RNF175: variants seen among roughly 807,000 people sequenced by gnomAD.
RNF175 encodes ring finger protein 175.
A neutral mutation model predicts 50.0 loss-of-function variants in RNF175; 38 were observed. That is an observed-to-expected ratio of 0.76 (90% CI 0.59 to 1.00). The LOEUF (loss-of-function observed/expected upper bound fraction) is 1.00, where lower values mean the gene tolerates loss of function less well. Ranked by LOEUF, RNF175 falls within the 50% of genes least tolerant of loss-of-function variation. The probability of loss-of-function intolerance (pLI) is 0.00; values close to 1 mark genes in which losing one functional copy is unlikely to be tolerated. For missense variants in RNF175, 388 were observed against 409.6 expected (o/e 0.95, Z 0.46); for synonymous variants, 155 against 146.1 (o/e 1.06, Z -0.44).
At chr4:153,759,283 C>T (rs1436854233) in intron 1 of RNF175, among the ~76,000 whole-genome samples, 1 of 152,218 alleles carries the variant, frequency 6.6e-6, no homozygotes. Context: ...AAACCCTGGG[C>T]ACAGACCAGC....
At chr4:153,748,579 C>T in intron 3 of RNF175, 66 bp downstream of exon 3, 1 of 1,424,968 alleles carries the variant, frequency 7.0e-7, no homozygotes, top group Non-Finnish European at 9.4e-7. Context: ...AGAACATGTC[C>T]TGGAAAAAAA....
At chr4:153,722,795 G>C (rs1435987786) in intron 5 of RNF175, among the ~76,000 whole-genome samples, 1 of 151,584 alleles carries the variant, frequency 6.6e-6, no homozygotes, top group Non-Finnish European at 1.5e-5. Flanking sequence ...CAAAAAACAG[G>C]TGAAATTAAT....
At position 153,728,333 on chromosome 4, in the gene RNF175, A is replaced by T; in HGVS notation, c.275T>A (p.Val92Asp). The change falls in exon 4 of 9, where the codon GTC (valine) becomes GAC (aspartate). Residue 92 changes from valine to aspartate, a missense_variant. By Grantham distance (152) the Val-to-Asp change is radical (BLOSUM62 -3). Transcript: ENST00000347063. ...NLVTLLQMWV[V>D]PLYFTIKLYW... is the part of the protein sequence containing the mutation. ...TAATTTTATCGTGAAATATAAGGGG[A>T]CAACCCACATCTGCAACAAGGTCAC... is the stretch of plus-strand genomic sequence containing the variant. The T allele has an allele frequency of 1.2e-6, 2 of 1,613,832 alleles. No homozygotes were observed. The highest frequency in any genetic ancestry group is 2.2e-5 in the South Asian group (2 of 91,072).
At chr4:153,759,279 T>C (rs1379643103) in intron 1 of RNF175, among the ~76,000 whole-genome samples, 1 of 152,194 alleles carries the variant, frequency 6.6e-6, no homozygotes. Context: ...TCAGAAACCC[T>C]GGGCACAGAC....
intron 3 of RNF175, among the ~76,000 whole-genome samples, chr4:153,742,124 A>T (rs900267134): frequency 6.6e-6 from 1 of 152,132 alleles, no homozygotes; most frequent in Non-Finnish European, 1.5e-5. Flanking sequence ...AAATAAAAAA[A>T]TTAGCTAGGA....
chr4:153,755,236 C>A (rs759201877), intron 1 of RNF175, among the ~76,000 whole-genome samples: 4 of 152,272 alleles, frequency 2.6e-5, no homozygotes, highest in African/African-American at 4.8e-5. Flanking sequence ...GGGAATGAAT[C>A]AATTTAAGCC....
chr4:153,738,190 C>T (rs529896399), intron 3 of RNF175, among the ~76,000 whole-genome samples: 3 of 152,154 alleles, frequency 2.0e-5, no homozygotes, highest in South Asian at 4.2e-4. Context: ...GCTGGGACTA[C>T]AGGAGCATGC....
intron 3 of RNF175, among the ~76,000 whole-genome samples, chr4:153,735,006 A>G (rs1271285919): frequency 6.6e-6 from 1 of 151,990 alleles, no homozygotes; most frequent in East Asian, 1.9e-4. Context: ...TTTCCATAGC[A>G]GTTTTTAATT....
chr4:153,732,018 G>A (rs957427529), intron 3 of RNF175, among the ~76,000 whole-genome samples: 3 of 152,162 alleles, frequency 2.0e-5, no homozygotes, highest in African/African-American at 7.2e-5. Context: ...GATCCCTTGA[G>A]GCCAGAAGTT....
Position 153,748,764 on chromosome 4 carries a change from T to G in RNF175, c.127A>C (p.Lys43Gln), listed in dbSNP as rs944317280. ...ATGGAATCGTGGCCCCGGTGCATCT[T>G]GTACATCCTCTCCTGCTGCAGGCTG... is the stretch of plus-strand genomic sequence containing the variant. Reference protein sequence around the residue: ...TWNLQQERMYKMHRGHDSMHV... With the variant: ...TWNLQQERMYQMHRGHDSMHV... The change falls in exon 3 of 9, where the codon AAG becomes CAG. Residue 43 changes from lysine to glutamine, a missense_variant. By Grantham distance (53) the Lys-to-Gln change is moderately conservative. Transcript: ENST00000347063. 3 of 1,612,310 alleles carry G rather than the reference T, an allele frequency of 1.9e-6. No homozygotes were observed. The highest frequency in any genetic ancestry group is 2.5e-6 in the Non-Finnish European group (3 of 1,179,306).
chr4:153,715,848 G>A (rs1001838579), intron 6 of RNF175, among the ~76,000 whole-genome samples, 186 bp from the exon 7 acceptor site: 2 of 152,074 alleles, frequency 1.3e-5, no homozygotes, highest in South Asian at 4.1e-4. Flanking sequence ...TGGATCACAA[G>A]GTCAGGAGTT....
chr4:153,754,709 G>A (rs779351471), intron 1 of RNF175, among the ~76,000 whole-genome samples: 6 of 152,148 alleles, frequency 3.9e-5, no homozygotes, highest in Non-Finnish European at 8.8e-5. Flanking sequence ...AGAAAGGAGC[G>A]GAAGATTTGA....
At chr4:153,719,867 C>A (rs550872989) in intron 6 of RNF175, among the ~76,000 whole-genome samples, 8 of 152,122 alleles carry the variant, frequency 5.3e-5, no homozygotes, top group Admixed American at 5.2e-4. Flanking sequence ...TTTTACTAAT[C>A]CTTAAATGTT....
intron 1 of RNF175, among the ~76,000 whole-genome samples, chr4:153,757,363 T>C (rs1024968508): frequency 8.5e-5 from 13 of 152,172 alleles, no homozygotes; most frequent in Non-Finnish European, 1.3e-4. Context: ...GCCACCCCGA[T>C]TGGCTTTCAT....
chr4:153,747,804 ACTT>A (rs1454050209), intron 3 of RNF175, among the ~76,000 whole-genome samples: 2 of 152,206 alleles, frequency 1.3e-5, no homozygotes, highest in Non-Finnish European at 2.9e-5. Context: ...TAACAGACCC[ACTT>A]CTTCGTATCA....
intron 3 of RNF175, 125 bp from the exon 4 acceptor site, chr4:153,728,486 C>T (rs1729233155): frequency 1.4e-6 from 1 of 723,222 alleles, no homozygotes; most frequent in Non-Finnish European, 2.3e-6. Context: ...TACCATGCAA[C>T]TGGTTCACCA....
chr4:153,723,768 C>G (rs773564907), intron 4 of RNF175, among the ~76,000 whole-genome samples: 7 of 152,128 alleles, frequency 4.6e-5, no homozygotes, highest in Non-Finnish European at 1.0e-4. Flanking sequence ...GACCCTGCCT[C>G]CCCACAGCGC....
intron 8 of RNF175, among the ~76,000 whole-genome samples, chr4:153,712,194 C>G (rs1053202753): frequency 2.0e-5 from 3 of 152,048 alleles, no homozygotes; most frequent in African/African-American, 7.2e-5. Flanking sequence ...TATATTTTAC[C>G]TATTTTTTGC....
intron 3 of RNF175, among the ~76,000 whole-genome samples, chr4:153,742,625 A>C (rs983484473): frequency 7.9e-5 from 12 of 152,264 alleles, no homozygotes; most frequent in Non-Finnish European, 1.6e-4. Flanking sequence ...ATAACTAGTG[A>C]GGTTGGATTC....
Sources: gnomAD v4.1 joint callset for allele counts (sites outside exome capture counted in the v4.1 genomes callset) on GRCh38, gnomAD v4.1.1 for gene constraint, MANE v1.5 for transcripts, NCBI Gene and HGNC (gene_info 2026-07-23, HGNC 2026-07-21) for gene names.